The following EYS variants were observed in gnomAD, a reference collection of about 807,000 sequenced individuals.
EYS encodes the protein protein eyes shut homolog.
Under a neutral mutation model 282.1 loss-of-function variants are expected in EYS, and 250 were observed. The ratio of observed to expected loss-of-function variants is 0.89; its 90% CI spans 0.80 to 0.98. The LOEUF (loss-of-function observed/expected upper bound fraction) is 0.98. Ranked by LOEUF, EYS falls within the 50% of genes least tolerant of loss-of-function variation. The pLI is 0.00. For missense variants in EYS, 4,016 were observed against 3,709.0 expected, an observed-to-expected ratio of 1.08 and a Z score of -2.15; for synonymous variants, 1,355 against 1,282.9, an observed-to-expected ratio of 1.06 and a Z score of -1.20.
chr6:64,525,394 C>T (rs35301901), intron 26 of EYS, among the ~76,000 whole-genome samples: 39,127 of 151,560 alleles, frequency 0.26, 5,541 homozygotes, highest in East Asian at 0.36. Context: ...GTGCTGGAGG[C>T]CATTATCCTT....
At chr6:64,319,045 T>A (rs1339856080) in intron 29 of EYS, among the ~76,000 whole-genome samples, 2 of 151,968 alleles carry the variant, frequency 1.3e-5, no homozygotes, top group African/African-American at 4.8e-5. Flanking sequence ...GTATTAACCT[T>A]TCTTTTTACT....
chr6:63,984,567 C>A lies in EYS; in HGVS notation c.6871G>T (p.Ala2291Ser). Residue 2291 changes from alanine (A) to serine (S), a missense_variant, in exon 35 of 43, where the codon GCA becomes TCA. Ala to Ser is a moderately conservative substitution (Grantham distance 99, BLOSUM62 1). Coordinates refer to ENST00000503581, the MANE Select transcript of EYS (RefSeq NM_001142800.2). ...GCTTTCTTATGAATTTGAACATTTG[C>A]AGGAATATGGCCAAGGAACATTGAT... ...FESMFLGHIP[A>S]NVQIHKKAGP... 6.5e-7 allele frequency: 1 copy of A among 1,549,414 alleles called. No homozygotes were observed. Among genetic ancestry groups the A allele is most frequent in the Non-Finnish European group, 8.7e-7 (1 of 1,145,484 alleles).
chr6:64,212,808 G>A (rs115732890), intron 31 of EYS, among the ~76,000 whole-genome samples: 31 of 152,188 alleles, frequency 2.0e-4, no homozygotes, highest in African/African-American at 6.3e-4. Context: ...ACTCATGCAT[G>A]CGTATGTTCA....
intron 5 of EYS, among the ~76,000 whole-genome samples, chr6:65,433,847 G>C (rs559197251): frequency 2.6e-5 from 4 of 151,994 alleles, no homozygotes; most frequent in Non-Finnish European, 4.4e-5. Flanking sequence ...TTTTGGCCCA[G>C]AGGAAAAATT....
chr6:64,131,548 G>A (rs188080289), intron 31 of EYS, among the ~76,000 whole-genome samples: 102 of 152,188 alleles, frequency 6.7e-4, no homozygotes, highest in African/African-American at 2.2e-3. Flanking sequence ...GGAGCAGTGC[G>A]GGGAGTACAG....
rs532984800 is a variant in EYS, at chr6:64,542,955, G to T, written c.5644+47268C>A. On this transcript the variant is annotated intron_variant, in intron 26 of 42. Transcript: ENST00000503581. The stretch of plus-strand genomic sequence containing the variant: ...TTGCAATTGTATACCACAAATAAAT[G>T]CATTAGGTACAAGTGCCTCAATGTC... 5.0e-4 allele frequency among the ~76,000 whole-genome samples: 76 copies of T among 152,138 alleles called. 2 individuals are homozygous for T. The South Asian group carries it at 0.015, about 30-fold the overall frequency.
chr6:65,479,467 T>C (rs1562209772), intron 5 of EYS, among the ~76,000 whole-genome samples: 1 of 152,134 alleles, frequency 6.6e-6, no homozygotes, highest in Non-Finnish European at 1.5e-5. Flanking sequence ...CAAGAAACAC[T>C]AGCATTGGCT....
rs1023432535 is a variant in EYS, at chr6:64,452,709, T to C, written c.5645-13357A>G. Among the ~76,000 whole-genome samples the C allele has an allele frequency of 2.6e-5, 4 of 152,154 alleles. No individual in the cohort carries two copies. The East Asian group carries it at 7.7e-4, about 29-fold the overall frequency. On this transcript the variant is annotated intron_variant, in intron 26 of 42. Coordinates refer to ENST00000503581, the MANE Select transcript of EYS (RefSeq NM_001142800.2). ...GAGCCCTCAGAAATAATGCCGCATA[T>C]CTACAACCATCTGATCTTTGACAAA...
chr6:65,332,238 C>T, intron 11 of EYS: 2 of 582,028 alleles, frequency 3.4e-6, no homozygotes, highest in Non-Finnish European at 3.1e-6. Flanking sequence ...TTTTTTTCTC[C>T]ATCTACATTA....
intron 35 of EYS, among the ~76,000 whole-genome samples, chr6:63,923,088 G>T (rs1026161992): frequency 1.3e-5 from 2 of 152,198 alleles, no homozygotes; most frequent in Non-Finnish European, 2.9e-5. Context: ...TAATGTTTCA[G>T]TCTGAAAGAT....
intron 36 of EYS, among the ~76,000 whole-genome samples, chr6:63,843,290 A>G (rs1772012840): frequency 6.6e-6 from 1 of 151,980 alleles, no homozygotes; most frequent in Admixed American, 6.6e-5. Context: ...CTTGAGCAGT[A>G]GTTTGTAGTT....
chr6:65,612,452 C>T (rs901482703), intron 2 of EYS, among the ~76,000 whole-genome samples: 5 of 151,628 alleles, frequency 3.3e-5, no homozygotes, highest in Non-Finnish European at 7.4e-5. Context: ...ATTTATTATG[C>T]ACTGACTAAA....
chr6:64,892,685 T>G (rs1244164072), intron 18 of EYS, among the ~76,000 whole-genome samples: 1 of 152,050 alleles, frequency 6.6e-6, no homozygotes, highest in Admixed American at 6.6e-5. Flanking sequence ...ATGTCTACAT[T>G]ATTTATCATA....
chr6:64,378,901 T>G (rs1433950777), intron 29 of EYS, among the ~76,000 whole-genome samples: 1 of 152,172 alleles, frequency 6.6e-6, no homozygotes, highest in East Asian at 1.9e-4. Context: ...GTCTTAGCAC[T>G]AAGAGGATTG....
intron 22 of EYS, among the ~76,000 whole-genome samples, chr6:64,732,114 G>GA (rs1771990641): frequency 6.6e-6 from 1 of 151,946 alleles, no homozygotes; most frequent in African/African-American, 2.4e-5. Flanking sequence ...TGAACAATGA[G>GA]AACACATGGA....
At chr6:65,281,611 T>C (rs1309394859) in intron 12 of EYS, among the ~76,000 whole-genome samples, 1 of 152,180 alleles carries the variant, frequency 6.6e-6, no homozygotes, top group Non-Finnish European at 1.5e-5. Flanking sequence ...TTCTTGCATA[T>C]GTCAGTACTT....
chr6:63,774,303 G>A (rs542789093), intron 40 of EYS, among the ~76,000 whole-genome samples: 1 of 151,902 alleles, frequency 6.6e-6, no homozygotes, highest in African/African-American at 2.4e-5. Context: ...CAGGTAGCTG[G>A]GATTACAGGC....
chr6:64,104,781 G>T, intron 31 of EYS, among the ~76,000 whole-genome samples: 1 of 141,116 alleles, frequency 7.1e-6, no homozygotes, highest in Non-Finnish European at 1.5e-5. Context: ...ATATACAGTA[G>T]TTTCCAAACT....
In EYS at chr6:65,026,916, C is replaced by CAAAAAAAAAAAAAAAA. The variant is rs1260312589; in HGVS notation, c.2138-29214_2138-29213insTTTTTTTTTTTTTTTT. Among the ~76,000 whole-genome samples, 369 of 107,650 alleles carry CAAAAAAAAAAAAAAAA rather than the reference C, an allele frequency of 3.4e-3. 4 individuals carry two copies. The highest frequency in any genetic ancestry group is 9.4e-3 in the African/African-American group (288 of 30,500). 70.6% of individuals were successfully genotyped at this position (107,650 alleles called of 152,430 possible). A position where few individuals can be genotyped will look rare whatever the true frequency, so the allele number is the denominator to read the frequency against. ...TGGGCGACAGAGTGAGACTCCGTCT[C>CAAAAAAAAAAAAAAAA]AAAAAAAAAAAAAAGATTCAGATAT... is the stretch of plus-strand genomic sequence containing the variant. On this transcript the variant is annotated intron_variant, in intron 13 of 42. Transcript: ENST00000503581.
Sources: allele counts gnomAD v4.1 joint callset (sites outside exome capture counted in the v4.1 genomes callset), GRCh38; gene constraint gnomAD v4.1.1; transcripts MANE v1.5; gene names NCBI Gene and HGNC (gene_info 2026-07-23, HGNC 2026-07-21).